ADCY2: variants seen among roughly 807,000 people sequenced by gnomAD.
The protein encoded by ADCY2 is adenylate cyclase type 2.
ADCY2 carries 31 observed loss-of-function variants against 125.2 expected under a neutral mutation model. The ratio of observed to expected loss-of-function variants is 0.25; its 90% CI spans 0.19 to 0.33. The LOEUF is 0.33. Ranked by LOEUF, ADCY2 falls within the 10% of genes least tolerant of loss-of-function variation. The pLI, the probability that ADCY2 is intolerant of heterozygous loss-of-function variation, is 1.00. For missense variants in ADCY2, 904 were observed against 1,418.2 expected (o/e 0.64, Z 5.82); for synonymous variants, 512 against 548.4 (o/e 0.93, Z 0.93).
Position 7,575,637 on chromosome 5 carries a change from C to G in ADCY2, c.571-50530C>G, listed in dbSNP as rs552761461. Among the ~76,000 whole-genome samples the G allele has an allele frequency of 1.6e-4, 25 of 152,248 alleles. 1 individual carries two copies. Among genetic ancestry groups the G allele is most frequent in the Admixed American group, 1.4e-3 (21 of 15,292 alleles). The stretch of plus-strand genomic sequence containing the variant: ...TTCCACAGTCCTAGATCCTCTCTTG[C>G]TGTGCATACCTTTGATAAAGCCATT... On this transcript the variant is annotated intron_variant, in intron 3 of 24. Transcript: ENST00000338316.
chr5:7,554,824 T>G (rs186661917), intron 3 of ADCY2, among the ~76,000 whole-genome samples: 24 of 152,312 alleles, frequency 1.6e-4, no homozygotes, highest in African/African-American at 4.8e-4. Flanking sequence ...TTTATATATA[T>G]GCAAATGTCT....
chr5:7,507,314 G>C (rs1290903699), intron 2 of ADCY2, among the ~76,000 whole-genome samples: 1 of 139,300 alleles, frequency 7.2e-6, no homozygotes, highest in African/African-American at 2.7e-5. Flanking sequence ...AGTGGCGGGC[G>C]CCTGTAGTCC....
intron 15 of ADCY2, among the ~76,000 whole-genome samples, chr5:7,745,242 G>A (rs1201519217): frequency 1.3e-5 from 2 of 152,176 alleles, no homozygotes; most frequent in Non-Finnish European, 2.9e-5. Context: ...GAAAGGCTTT[G>A]GCCAAGGGTG....
chr5:7,473,088 C>A (rs894356192), intron 2 of ADCY2, among the ~76,000 whole-genome samples: 1 of 152,008 alleles, frequency 6.6e-6, no homozygotes, highest in Non-Finnish European at 1.5e-5. Context: ...TGCACCTCCC[C>A]CAGCATAAGG....
At chr5:7,725,738 G>A (rs1395486101) in intron 13 of ADCY2, among the ~76,000 whole-genome samples, 1 of 152,146 alleles carries the variant, frequency 6.6e-6, no homozygotes, top group Non-Finnish European at 1.5e-5. Flanking sequence ...TAAAAGATAA[G>A]GATTTAATTG....
chr5:7,685,657 A>G (rs1740498412), intron 4 of ADCY2, among the ~76,000 whole-genome samples: 1 of 152,232 alleles, frequency 6.6e-6, no homozygotes, highest in African/African-American at 2.4e-5. Context: ...AAACAGCAAC[A>G]GTAGCAGTTG....
At chr5:7,457,165 T>A (rs1741703779) in intron 2 of ADCY2, among the ~76,000 whole-genome samples, 1 of 152,230 alleles carries the variant, frequency 6.6e-6, no homozygotes, top group African/African-American at 2.4e-5. Flanking sequence ...ACTTGAAATT[T>A]ACTATACTCA....
intron 2 of ADCY2, among the ~76,000 whole-genome samples, chr5:7,492,957 C>A (rs912856594): frequency 6.6e-6 from 1 of 152,146 alleles, no homozygotes. Context: ...TGTGAGGGCC[C>A]GGGCTGCATC....
chr5:7,455,804 AT>A (rs1741649079), intron 2 of ADCY2, among the ~76,000 whole-genome samples: 9 of 145,462 alleles, frequency 6.2e-5, no homozygotes, highest in African/African-American at 2.2e-4. Flanking sequence ...TATTCTTATT[AT>A]TATAATATAT....
intron 14 of ADCY2, among the ~76,000 whole-genome samples, chr5:7,740,155 G>T (rs1031661387): frequency 6.6e-6 from 1 of 151,916 alleles, no homozygotes; most frequent in East Asian, 1.9e-4. Context: ...GGAAATAAAG[G>T]ATATAGAACA....
rs1745548655 is a variant in ADCY2, at chr5:7,828,296, G to C, written c.*1425G>C. The stretch of plus-strand genomic sequence containing the variant: ...CTCTTAGGAAGCCTTTTATTCGTGG[G>C]AACTCGAACTTGAAGCACAAGTTCC... On this transcript the variant is annotated 3_prime_UTR_variant, in exon 25 of 25. Transcript: ENST00000338316. 1 of 152,654 alleles carries C rather than the reference G, an allele frequency of 6.6e-6. No homozygotes were observed. Among genetic ancestry groups the C allele is most frequent in the Non-Finnish European group, 1.5e-5 (1 of 68,054 alleles). 9.5% of individuals were successfully genotyped at this position (152,654 alleles called of 1,614,324 possible). A position where few individuals can be genotyped will look rare whatever the true frequency, so the allele number is the denominator to read the frequency against.
intron 2 of ADCY2, among the ~76,000 whole-genome samples, chr5:7,474,958 G>A (rs1579480410): frequency 1.3e-5 from 2 of 152,338 alleles, no homozygotes; most frequent in East Asian, 3.9e-4. Context: ...GAGTGGGGAA[G>A]GGTATCCCTG....
intron 12 of ADCY2, 80 bp from the exon 13 acceptor site, chr5:7,724,465 C>A: frequency 1.9e-6 from 2 of 1,057,914 alleles, no homozygotes; most frequent in Non-Finnish European, 2.9e-6. Flanking sequence ...GAAAGAAGAT[C>A]GCAAGTCATT....
intron 3 of ADCY2, among the ~76,000 whole-genome samples, chr5:7,586,620 C>T (rs953037932): frequency 1.3e-5 from 2 of 152,078 alleles, no homozygotes; most frequent in Non-Finnish European, 2.9e-5. Context: ...AGGAGCCCGC[C>T]GTGCATCTCG....
At chr5:7,476,347 G>A (rs1742524509) in intron 2 of ADCY2, among the ~76,000 whole-genome samples, 1 of 152,128 alleles carries the variant, frequency 6.6e-6, no homozygotes, top group Non-Finnish European at 1.5e-5. Context: ...CCCCACGCCT[G>A]GACATTGTTG....
At chr5:7,749,006 G>A (rs1484015767) in intron 15 of ADCY2, among the ~76,000 whole-genome samples, 1 of 152,204 alleles carries the variant, frequency 6.6e-6, no homozygotes, top group Non-Finnish European at 1.5e-5. Context: ...CAGGCTGTGT[G>A]TGGGGTGAGT....
chr5:7,685,859 T>G (rs1740505259), intron 4 of ADCY2, among the ~76,000 whole-genome samples: 1 of 152,200 alleles, frequency 6.6e-6, no homozygotes, highest in African/African-American at 2.4e-5. Context: ...TTCTGTTTCC[T>G]AAGTACATGG....
intron 12 of ADCY2, among the ~76,000 whole-genome samples, chr5:7,720,051 A>C (rs560541801): frequency 2.6e-5 from 4 of 152,030 alleles, no homozygotes; most frequent in African/African-American, 9.7e-5. Context: ...TAAGTAGGGA[A>C]TCACTTATTG....
At chr5:7,561,568 T>TTTTTTTTTTTTTGAGACGGAGTCTCGCTC (rs61118972) in intron 3 of ADCY2, among the ~76,000 whole-genome samples, 2 of 151,858 alleles carry the variant, frequency 1.3e-5, no homozygotes, top group African/African-American at 4.9e-5. Context: ...ATGTGAACTT[T>TTTTTTTTTTTTTGAGACGGAGTCTCGCTC]TAGAATGTGA....
Sources: allele counts gnomAD v4.1 joint callset (sites outside exome capture counted in the v4.1 genomes callset), GRCh38; gene constraint gnomAD v4.1.1; transcripts MANE v1.5; gene names NCBI Gene and HGNC (gene_info 2026-07-23, HGNC 2026-07-21).